The following PTPN4 variants were observed in gnomAD, a reference collection of about 807,000 sequenced individuals.
The protein encoded by PTPN4 is protein tyrosine phosphatase non-receptor type 4.
A neutral mutation model predicts 135.5 loss-of-function variants in PTPN4; 49 were observed. The ratio of observed to expected loss-of-function variants is 0.36; its 90% CI spans 0.29 to 0.46. The LOEUF is 0.46. Among genes scored for constraint, PTPN4 ranks in the 20% least tolerant of loss-of-function variants. PTPN4 has a pLI of 1.00. For synonymous variants in PTPN4, 333 were observed against 369.9 expected (o/e 0.90, Z 1.14); for missense variants, 860 against 1,101.0 (o/e 0.78, Z 3.10).
At chr2:119,800,441 A>AT (rs768402085) in intron 1 of PTPN4, among the ~76,000 whole-genome samples, 3,937 of 123,244 alleles carry the variant, frequency 0.032, 142 homozygotes, top group African/African-American at 0.096. Flanking sequence ...GGATTATTTG[A>AT]TTTTTTTTTT....
chr2:119,840,838 A>G (rs1321512222), intron 2 of PTPN4, among the ~76,000 whole-genome samples: 8 of 152,190 alleles, frequency 5.3e-5, no homozygotes, highest in Admixed American at 5.2e-4. Context: ...TCTAATGATC[A>G]GTGATGTTAA....
intron 1 of PTPN4, among the ~76,000 whole-genome samples, chr2:119,760,871 C>A (rs1362938952): frequency 1.6e-3 from 128 of 81,954 alleles, no homozygotes; most frequent in African/African-American, 4.5e-3. Context: ...GTAGTTGAGC[C>A]AAAAAAAAAA....
At chr2:119,880,226 G>A (rs1240276665) in intron 5 of PTPN4, 1 of 152,076 alleles carries the variant, frequency 6.6e-6, no homozygotes, top group African/African-American at 2.4e-5. Flanking sequence ...CAAGATCACA[G>A]GCTAGTTTTG....
chr2:119,766,472 GTGT>G (rs1690630198), intron 1 of PTPN4, among the ~76,000 whole-genome samples: 1 of 135,948 alleles, frequency 7.4e-6, no homozygotes, highest in Non-Finnish European at 1.5e-5. Context: ...GTGTGTGTGT[GTGT>G]GTGTGTGTCT....
chr2:119,883,266 A>G (rs1184048867), intron 8 of PTPN4, among the ~76,000 whole-genome samples: 3 of 152,152 alleles, frequency 2.0e-5, no homozygotes, highest in African/African-American at 7.2e-5. Context: ...TATAAAGTGT[A>G]TATGAAACAT....
At chr2:119,973,201 A>G (rs1574427934) in intron 26 of PTPN4, among the ~76,000 whole-genome samples, 1 of 151,884 alleles carries the variant, frequency 6.6e-6, no homozygotes. Flanking sequence ...CCACCATTCT[A>G]CTTTCTGTTC....
At position 119,858,930 on chromosome 2, in the gene PTPN4, G is replaced by A. The variant is rs141751508; in HGVS notation, c.139-3606G>A. 5.6e-4 allele frequency among the ~76,000 whole-genome samples: 85 copies of A among 152,016 alleles called. 1 individual carries two copies. The East Asian group carries it at 0.014, about 25-fold the overall frequency. On this transcript the variant is annotated intron_variant, in intron 2 of 26. Coordinates refer to ENST00000263708, the MANE Select transcript of PTPN4 (RefSeq NM_002830.4). ...ATTACAGGTGTGAGCCACCGCACCC[G>A]GCCCTTTTCTGTGTTGTTCTTATTG...
chr2:119,954,518 G>C (rs1037679404), intron 19 of PTPN4, among the ~76,000 whole-genome samples: 1 of 152,172 alleles, frequency 6.6e-6, no homozygotes. Context: ...TACAGTTTGT[G>C]GAGGGACAGG....
At chr2:119,825,046 T>C (rs1677126906) in intron 2 of PTPN4, among the ~76,000 whole-genome samples, 1 of 152,202 alleles carries the variant, frequency 6.6e-6, no homozygotes, top group Non-Finnish European at 1.5e-5. Flanking sequence ...GGTAGTTGTA[T>C]AGGGTCTTTC....
intron 13 of PTPN4, among the ~76,000 whole-genome samples, chr2:119,930,549 A>C (rs1678889469): frequency 6.6e-6 from 1 of 152,302 alleles, no homozygotes; most frequent in East Asian, 1.9e-4. Context: ...AGGTCTGTCT[A>C]ATAGGAAGCC....
intron 2 of PTPN4, among the ~76,000 whole-genome samples, chr2:119,851,498 A>T (rs1386012063): frequency 6.6e-6 from 1 of 152,180 alleles, no homozygotes; most frequent in East Asian, 1.9e-4. Context: ...CTTCCCCATG[A>T]TTCTTTCCTT....
Position 119,973,592 on chromosome 2 carries a change from A to G in PTPN4, c.2695-3392A>G, listed in dbSNP as rs78711316. Reference sequence around the variant, plus strand: ...ATCAGAATTCAGATATAGTCTACACATTTTGATTGGTTTATATGTCTCTTA... The same window carrying G: ...ATCAGAATTCAGATATAGTCTACACGTTTTGATTGGTTTATATGTCTCTTA... On this transcript the variant is annotated intron_variant, in intron 26 of 26. Coordinates refer to ENST00000263708, the MANE Select transcript of PTPN4 (RefSeq NM_002830.4). 3.6e-3 allele frequency among the ~76,000 whole-genome samples: 479 copies of G among 134,804 alleles called. 2 individuals carry two copies. The highest frequency in any genetic ancestry group is 0.013 in the African/African-American group (452 of 35,844). The allele number at this position is 134,804 out of a possible 152,430, so 88.4% of individuals were successfully genotyped here. A position where few individuals can be genotyped will look rare whatever the true frequency, so the allele number is the denominator to read the frequency against.
chr2:119,933,262 A>C (rs1430475539), intron 14 of PTPN4, among the ~76,000 whole-genome samples: 1 of 152,236 alleles, frequency 6.6e-6, no homozygotes, highest in Non-Finnish European at 1.5e-5. Flanking sequence ...CCATATTAAC[A>C]TACTTAGTTA....
chr2:119,873,436 G>A (rs1677942335), intron 3 of PTPN4, among the ~76,000 whole-genome samples: 1 of 152,090 alleles, frequency 6.6e-6, no homozygotes, highest in South Asian at 2.1e-4. Context: ...TTATTACTAC[G>A]TTTTGGCAGA....
At chr2:119,890,906 A>G (rs1469270929) in intron 9 of PTPN4, among the ~76,000 whole-genome samples, 1 of 152,164 alleles carries the variant, frequency 6.6e-6, no homozygotes, top group Non-Finnish European at 1.5e-5. Context: ...CACTTTCAGT[A>G]TATCATTCTA....
chr2:119,905,543 G>A (rs1678474623), intron 10 of PTPN4, among the ~76,000 whole-genome samples: 1 of 152,158 alleles, frequency 6.6e-6, no homozygotes, highest in Admixed American at 6.5e-5. Context: ...CAGCACACCA[G>A]ATTCACCACT....
chr2:119,761,413 CTG>C (rs1690497613), intron 1 of PTPN4, among the ~76,000 whole-genome samples: 1 of 152,090 alleles, frequency 6.6e-6, no homozygotes, highest in South Asian at 2.1e-4. Flanking sequence ...AGAGCCTAAA[CTG>C]TGCTTAATGG....
chr2:119,854,276 G>GTT (rs1315851153), intron 2 of PTPN4, among the ~76,000 whole-genome samples: 1 of 152,148 alleles, frequency 6.6e-6, no homozygotes, highest in Non-Finnish European at 1.5e-5. Flanking sequence ...AATGGACCCA[G>GTT]TTTCTAATCA....
chr2:119,926,337 TA>T (rs1313600580), intron 12 of PTPN4, among the ~76,000 whole-genome samples: 1 of 152,180 alleles, frequency 6.6e-6, no homozygotes, highest in Admixed American at 6.5e-5. Context: ...TTCCTTCCTC[TA>T]AACAAAAATC....
Sources: allele counts gnomAD v4.1 joint callset (sites outside exome capture counted in the v4.1 genomes callset), GRCh38; gene constraint gnomAD v4.1.1; transcripts MANE v1.5; gene names NCBI Gene and HGNC (gene_info 2026-07-23, HGNC 2026-07-21).